NCOR1: variants seen among roughly 807,000 people sequenced by gnomAD.
NCOR1 encodes the protein protein phosphatase 1, regulatory subunit 109.
NCOR1 carries 63 observed loss-of-function variants against 288.1 expected under a neutral mutation model. The ratio of observed to expected loss-of-function variants is 0.22; its 90% CI spans 0.18 to 0.27. NCOR1 has a LOEUF of 0.27. Ranked by LOEUF, NCOR1 falls within the 10% of genes least tolerant of loss-of-function variation. The pLI is 1.00. For synonymous variants in NCOR1, 1,007 were observed against 1,065.9 expected (o/e 0.94, Z 1.08); for missense variants, 2,397 against 3,019.2 (o/e 0.79, Z 4.83).
chr17:16,056,308 CTTTTTTT>C (rs71299858), intron 40 of NCOR1, among the ~76,000 whole-genome samples: 3 of 96,006 alleles, frequency 3.1e-5, no homozygotes, highest in African/African-American at 1.2e-4. Context: ...TTCTTTTTAT[CTTTTTTT>C]TTTTTTTTTT....
At chr17:16,152,193 C>G (rs1471191343) in intron 7 of NCOR1, among the ~76,000 whole-genome samples, 195 bp from the exon 8 acceptor site, 1 of 152,034 alleles carries the variant, frequency 6.6e-6, no homozygotes, top group African/African-American at 2.4e-5. Flanking sequence ...CTAGGGTACA[C>G]GTGCACAACG....
At chr17:16,058,204 G>T (rs187047092) in intron 38 of NCOR1, 140 bp from the exon 39 acceptor site, 4 of 966,168 alleles carry the variant, frequency 4.1e-6, no homozygotes, top group Non-Finnish European at 4.3e-6. Context: ...TAATTTTGGA[G>T]AAAAAAAAAA....
Position 16,161,230 on chromosome 17 carries a change from GACACACACACACAC to G in NCOR1, c.619-2371_619-2358del, listed in dbSNP as rs67635232. 9.5e-3 allele frequency among the ~76,000 whole-genome samples: 1,354 copies of G among 143,202 alleles called. 8 individuals carry two copies. The highest frequency in any genetic ancestry group is 0.014 in the Non-Finnish European group (920 of 64,748). 93.9% of individuals were successfully genotyped at this position (143,202 alleles called of 152,430 possible). A position where few individuals can be genotyped will look rare whatever the true frequency, so the allele number is the denominator to read the frequency against. Reference sequence around the variant, plus strand: ...CAAAGGCTAAAAGCAAACACACACAGACACACACACACACACACACACACACACACACACACACA... The same window carrying G: ...CAAAGGCTAAAAGCAAACACACACAGACACACACACACACACACACACACA... On this transcript the variant is annotated intron_variant, in intron 5 of 45. Coordinates refer to ENST00000268712, the MANE Select transcript of NCOR1 (RefSeq NM_006311.4).
rs759642635 is a variant in NCOR1 at position 16,068,079 on chromosome 17, G to A, written c.4556C>T (p.Ser1519Leu). ...SNKSTNHERKSTLTPTQRESI... is the reference protein window; with the variant it reads ...SNKSTNHERKLTLTPTQRESI... ...TTCCCTCTGGGTAGGGGTCAGTGTC[G>A]ATTTCCTTTCATGATTGGTAGACTT... is the stretch of plus-strand genomic sequence containing the variant. The change falls in exon 32 of 46, where the codon TCG (serine) becomes TTG (leucine). Residue 1519 changes from serine to leucine, a missense_variant. Coordinates refer to ENST00000268712, the MANE Select transcript of NCOR1 (RefSeq NM_006311.4). The A allele has an allele frequency of 6.2e-7, 1 of 1,613,780 alleles. No homozygotes were observed. Among genetic ancestry groups the A allele is most frequent in the Admixed American group, 1.7e-5 (1 of 59,978 alleles).
At chr17:16,206,892 G>C (rs1225214849) in intron 1 of NCOR1, among the ~76,000 whole-genome samples, 2 of 152,100 alleles carry the variant, frequency 1.3e-5, no homozygotes, top group Non-Finnish European at 1.5e-5. Flanking sequence ...CCAAGAAGTG[G>C]TTCTTTCAAT....
At chr17:16,172,214 G>A (rs1273520765) in intron 3 of NCOR1, among the ~76,000 whole-genome samples, 7 of 152,186 alleles carry the variant, frequency 4.6e-5, no homozygotes, top group Admixed American at 2.6e-4. Context: ...GAATTAGCTG[G>A]GCGTGGCAGT....
intron 19 of NCOR1, among the ~76,000 whole-genome samples, chr17:16,107,938 T>G (rs1210005688): frequency 1.3e-5 from 2 of 151,460 alleles, no homozygotes; most frequent in African/African-American, 4.9e-5. Context: ...AAACATGGAA[T>G]CTAATATTAC....
At position 16,153,442 on chromosome 17, in the gene NCOR1, T is replaced by C. The variant is rs560976639; in HGVS notation, c.733-47A>G. On this transcript the variant is annotated intron_variant, in intron 6 of 45. Coordinates refer to ENST00000268712, the MANE Select transcript of NCOR1 (RefSeq NM_006311.4). The stretch of plus-strand genomic sequence containing the variant: ...TATCATATAATTAAAAATTACATTA[T>C]CTAAGTGCAAAATAATTATTTAGAA... The C allele has an allele frequency of 1.7e-5, 21 of 1,232,830 alleles. No homozygotes were observed. The South Asian group carries it at 2.9e-4, about 17-fold the overall frequency. The allele number at this position is 1,232,830 out of a possible 1,614,324, so 76.4% of individuals were successfully genotyped here. A position where few individuals can be genotyped will look rare whatever the true frequency, so the allele number is the denominator to read the frequency against.
At chr17:16,102,761 T>G (rs2067876782) in intron 19 of NCOR1, among the ~76,000 whole-genome samples, 1 of 152,102 alleles carries the variant, frequency 6.6e-6, no homozygotes, top group Admixed American at 6.5e-5. Flanking sequence ...GCCCGGCTAA[T>G]TTTTGTATTT....
At chr17:16,126,008 C>T (rs2073976725) in intron 15 of NCOR1, 74 bp downstream of exon 15, 1 of 780,814 alleles carries the variant, frequency 1.3e-6, no homozygotes, top group East Asian at 3.0e-5. Flanking sequence ...CAACTGTACT[C>T]CCTATATCTA....
chr17:16,102,249 G>T (rs1395683875), intron 19 of NCOR1, among the ~76,000 whole-genome samples: 1 of 152,104 alleles, frequency 6.6e-6, no homozygotes, highest in Non-Finnish European at 1.5e-5. Context: ...AAAAAAGTAA[G>T]AAGAAATTGG....
chr17:16,057,323 T>A, intron 40 of NCOR1, 191 bp downstream of exon 40: 1 of 598,894 alleles, frequency 1.7e-6, no homozygotes. Context: ...CATTAAAAAG[T>A]CATAGTACCA....
intron 6 of NCOR1, among the ~76,000 whole-genome samples, chr17:16,157,380 C>T (rs758049314): frequency 6.6e-6 from 1 of 152,078 alleles, no homozygotes; most frequent in Non-Finnish European, 1.5e-5. Flanking sequence ...TTACCATTAC[C>T]GTAAGTATAT....
chr17:16,087,175 G>A, intron 22 of NCOR1: 1 of 1,303,648 alleles, frequency 7.7e-7, no homozygotes. Context: ...TATTTACCTG[G>A]CGGGACACTA....
Position 16,075,654 on chromosome 17 carries a change from T to C in NCOR1, c.3550A>G (p.Lys1184Glu). The C allele has an allele frequency of 2.5e-6, 4 of 1,614,198 alleles. No homozygotes were observed. The highest frequency in any genetic ancestry group is 3.4e-6 in the Non-Finnish European group (4 of 1,180,030). Residue 1184 changes from lysine (K) to glutamate (E), a missense_variant, in exon 27 of 46, where the codon AAG becomes GAG. By Grantham distance (56) the Lys-to-Glu change is moderately conservative. Transcript: ENST00000268712. ...ATGGGCATTCTCGAAATGGACCCCT[T>C]CACCAAAGCCTCTGTTGGTATGCCA... ...QTGIPTEALV[K>E]GSISRMPIED...
At chr17:16,108,256 CA>C in intron 19 of NCOR1, 17 of 324,142 alleles carry the variant, frequency 5.2e-5, no homozygotes, top group South Asian at 1.1e-4. Context: ...TTTTTCTTAC[CA>C]AAAAAATCAA....
At chr17:16,128,960 T>C (rs553974314) in intron 14 of NCOR1, among the ~76,000 whole-genome samples, 145 of 152,278 alleles carry the variant, frequency 9.5e-4, no homozygotes, top group Non-Finnish European at 1.6e-3. Flanking sequence ...CTTTTTCACG[T>C]TTCATAAAAT....
chr17:16,127,151 ATCTGTATGTATATATACATGTATGTATAT>A lies in NCOR1; in HGVS notation c.1510-974_1510-946del, dbSNP rs1345308069. 1.8e-4 allele frequency among the ~76,000 whole-genome samples: 24 copies of A among 135,064 alleles called. 1 individual carries two copies. The highest frequency in any genetic ancestry group is 6.4e-4 in the African/African-American group (20 of 31,310). The allele number at this position is 135,064 out of a possible 152,430, so 88.6% of individuals were successfully genotyped here. ...TATGTATATATACATGTATGTATAT[ATCTGTATGTATATATACATGTATGTATAT>A]ATCTGTATGTATATATACATGTATG... On this transcript the variant is annotated intron_variant, in intron 14 of 45. Transcript: ENST00000268712.
chr17:16,077,443 G>A (rs910190150), intron 26 of NCOR1, among the ~76,000 whole-genome samples: 1 of 135,980 alleles, frequency 7.4e-6, no homozygotes, highest in African/African-American at 2.8e-5. Flanking sequence ...GAAAGGTAAG[G>A]AAAGGGAAGG....
Sources: gnomAD v4.1 joint callset for allele counts (sites outside exome capture counted in the v4.1 genomes callset) on GRCh38, gnomAD v4.1.1 for gene constraint, MANE v1.5 for transcripts, NCBI Gene and HGNC (gene_info 2026-07-23, HGNC 2026-07-21) for gene names.